The following MCPH1 variants were observed in gnomAD, a reference collection of about 807,000 sequenced individuals.
The protein encoded by MCPH1 is microcephalin 1.
In MCPH1, 104 loss-of-function variants were observed where a neutral mutation model predicts 84.5. The observed-to-expected ratio is 1.23, with a 90% confidence interval of 1.05 to 1.45. The LOEUF is 1.45. Ranked by LOEUF, MCPH1 falls within the 40% of genes most tolerant of loss-of-function variation. The probability of loss-of-function intolerance (pLI) is 0.00; values close to 1 mark genes in which losing one functional copy is unlikely to be tolerated. For missense variants in MCPH1, 1,498 were observed against 1,005.7 expected, an observed-to-expected ratio of 1.49 and a Z score of -6.62; for synonymous variants, 514 against 366.8, an observed-to-expected ratio of 1.40 and a Z score of -4.58.
chr8:6,421,250 A>C (rs1193088845), intron 3 of MCPH1, among the ~76,000 whole-genome samples: 3 of 152,020 alleles, frequency 2.0e-5, no homozygotes, highest in Non-Finnish European at 4.4e-5. Flanking sequence ...GTGGACTGTC[A>C]GGAAATGGCC....
At chr8:6,619,055 G>A (rs2129580399) in intron 12 of MCPH1, 1 of 152,268 alleles carries the variant, frequency 6.6e-6, no homozygotes, top group East Asian at 1.9e-4. Context: ...ACGTTGCATT[G>A]GCCAGGATTG....
Position 6,636,935 on chromosome 8 carries a change from A to C in MCPH1, c.2453-6059A>C, listed in dbSNP as rs1797600310. On this transcript the variant is annotated intron_variant, in intron 13 of 13. Coordinates refer to ENST00000344683, the MANE Select transcript of MCPH1 (RefSeq NM_024596.5). ...AGTTGGTGTGGTAGGAGTCACACAT[A>C]AACGGCAGACTTTCTTGTCTGTGAC... Among the ~76,000 whole-genome samples the C allele has an allele frequency of 2.0e-5, 3 of 152,362 alleles. No individual in the cohort carries two copies. In the East Asian group the frequency reaches 5.8e-4, roughly 29 times the overall value.
intron 12 of MCPH1, chr8:6,502,840 C>T: frequency 2.3e-6 from 1 of 442,930 alleles, no homozygotes; most frequent in Non-Finnish European, 4.0e-6. Flanking sequence ...CAGTCTGATT[C>T]TCAGCCTCGG....
rs184637286 is a variant in MCPH1 at position 6,601,404 on chromosome 8, C to T, written c.2215-20050C>T. Among the ~76,000 whole-genome samples the T allele has an allele frequency of 2.6e-4, 40 of 152,212 alleles. No individual in the cohort carries two copies. The South Asian group carries it at 5.2e-3, about 20-fold the overall frequency. ...GTCCAGCCACCTGGTTGCCTCCTGGCTCTTCCTGCCCTAATACCGGCTGCC... is the reference window on the plus strand; with the variant it reads ...GTCCAGCCACCTGGTTGCCTCCTGGTTCTTCCTGCCCTAATACCGGCTGCC... On this transcript the variant is annotated intron_variant, in intron 12 of 13. Coordinates refer to ENST00000344683, the MANE Select transcript of MCPH1 (RefSeq NM_024596.5).
chr8:6,443,319 T>G (rs1803787440), intron 7 of MCPH1, among the ~76,000 whole-genome samples: 1 of 152,208 alleles, frequency 6.6e-6, no homozygotes. Flanking sequence ...CATAAAACAA[T>G]TTTAGGTGCT....
chr8:6,571,199 A>G (rs936816565), intron 12 of MCPH1, among the ~76,000 whole-genome samples: 1 of 152,198 alleles, frequency 6.6e-6, no homozygotes, highest in Middle Eastern at 3.2e-3. Flanking sequence ...AGATGAGTAC[A>G]TTTGCCTGAT....
chr8:6,633,165 C>A (rs1267834573), intron 13 of MCPH1, among the ~76,000 whole-genome samples: 1 of 152,040 alleles, frequency 6.6e-6, no homozygotes, highest in Non-Finnish European at 1.5e-5. Context: ...CACATGAATG[C>A]TATTACTCTT....
intron 12 of MCPH1, among the ~76,000 whole-genome samples, chr8:6,507,147 C>A (rs1369249103): frequency 6.6e-6 from 1 of 152,216 alleles, no homozygotes; most frequent in Non-Finnish European, 1.5e-5. Flanking sequence ...ATCCATCCAC[C>A]TTGGCCTCCC....
intron 12 of MCPH1, among the ~76,000 whole-genome samples, chr8:6,542,954 A>G (rs1350587401): frequency 6.6e-6 from 1 of 152,198 alleles, no homozygotes; most frequent in Non-Finnish European, 1.5e-5. Flanking sequence ...GCTGTCCTTT[A>G]TAAGGCCGGC....
chr8:6,594,458 C>T (rs1021022973), intron 12 of MCPH1, among the ~76,000 whole-genome samples: 1 of 152,146 alleles, frequency 6.6e-6, no homozygotes, highest in African/African-American at 2.4e-5. Flanking sequence ...TTCGTGGGCC[C>T]TCATAGAAGC....
At chr8:6,417,289 A>G (rs1563175951) in intron 3 of MCPH1, among the ~76,000 whole-genome samples, 1 of 152,192 alleles carries the variant, frequency 6.6e-6, no homozygotes, top group Non-Finnish European at 1.5e-5. Flanking sequence ...CAGATAGTCA[A>G]TATTTTAGGC....
At chr8:6,482,392 AG>A (rs1259095908) in intron 11 of MCPH1, among the ~76,000 whole-genome samples, 2 of 152,230 alleles carry the variant, frequency 1.3e-5, no homozygotes, top group Non-Finnish European at 2.9e-5. Flanking sequence ...GGCATCCCCC[AG>A]GGGGCCACGG....
At chr8:6,574,557 A>C (rs978369778) in intron 12 of MCPH1, among the ~76,000 whole-genome samples, 2 of 152,254 alleles carry the variant, frequency 1.3e-5, no homozygotes, top group African/African-American at 2.4e-5. Context: ...GATGAAAGTA[A>C]AATTTTGAAA....
At chr8:6,424,044 G>A (rs1188580656) in intron 3 of MCPH1, among the ~76,000 whole-genome samples, 1 of 152,102 alleles carries the variant, frequency 6.6e-6, no homozygotes, top group Non-Finnish European at 1.5e-5. Context: ...GTAGCTCATG[G>A]TTTCCACTGA....
At chr8:6,442,497 G>A (rs1414159292) in intron 7 of MCPH1, among the ~76,000 whole-genome samples, 2 of 152,170 alleles carry the variant, frequency 1.3e-5, no homozygotes, top group Non-Finnish European at 2.9e-5. Context: ...TTCACACAAT[G>A]TATAATTAAC....
chr8:6,614,590 C>G (rs986076008), intron 12 of MCPH1, among the ~76,000 whole-genome samples: 16 of 152,246 alleles, frequency 1.1e-4, no homozygotes, highest in African/African-American at 3.6e-4. Context: ...GTCCGTTGGC[C>G]TAACGCCCAA....
At chr8:6,538,748 G>A (rs771649382) in intron 12 of MCPH1, among the ~76,000 whole-genome samples, 24 of 152,164 alleles carry the variant, frequency 1.6e-4, no homozygotes, top group Non-Finnish European at 3.2e-4. Context: ...ACAGACAATA[G>A]GTTAATGTTC....
At chr8:6,567,532 G>A (rs1317040098) in intron 12 of MCPH1, among the ~76,000 whole-genome samples, 2 of 152,200 alleles carry the variant, frequency 1.3e-5, no homozygotes, top group East Asian at 3.8e-4. Context: ...GATGCCAGGT[G>A]GGGAGAGGGG....
chr8:6,417,315 G>A (rs1318797985), intron 3 of MCPH1, among the ~76,000 whole-genome samples: 1 of 152,156 alleles, frequency 6.6e-6, no homozygotes. Context: ...GGGCCATATG[G>A]TCTCTGCTCA....
Sources: allele counts gnomAD v4.1 joint callset (sites outside exome capture counted in the v4.1 genomes callset), GRCh38; gene constraint gnomAD v4.1.1; transcripts MANE v1.5; gene names NCBI Gene and HGNC (gene_info 2026-07-23, HGNC 2026-07-21).